GRID1: variants seen among roughly 807,000 people sequenced by gnomAD.
GRID1 encodes glutamate ionotropic receptor delta type subunit 1, also known as glutamate receptor ionotropic, delta-1.
Under a neutral mutation model 98.0 loss-of-function variants are expected in GRID1, and 28 were observed. The ratio of observed to expected loss-of-function variants is 0.29; its 90% CI spans 0.21 to 0.39. The LOEUF is 0.39. GRID1 is among the 10% of genes least tolerant of loss of function. The pLI is 1.00. For missense variants in GRID1, 1,111 were observed against 1,340.5 expected, an observed-to-expected ratio of 0.83 and a Z score of 2.67; for synonymous variants, 553 against 538.5, an observed-to-expected ratio of 1.03 and a Z score of -0.37.
intron 8 of GRID1, among the ~76,000 whole-genome samples, chr10:85,743,752 T>A (rs1841972445): frequency 6.6e-6 from 1 of 152,162 alleles, no homozygotes. Flanking sequence ...GGCAGAAAAT[T>A]TTAGAAATTT....
chr10:85,603,780 C>T (rs1447497912), intron 15 of GRID1, among the ~76,000 whole-genome samples: 2 of 152,172 alleles, frequency 1.3e-5, no homozygotes, highest in Non-Finnish European at 2.9e-5. Flanking sequence ...CTTTCCCTCA[C>T]CTCAAACTCC....
At chr10:86,042,234 G>A (rs1272258423) in intron 4 of GRID1, among the ~76,000 whole-genome samples, 2 of 152,218 alleles carry the variant, frequency 1.3e-5, no homozygotes, top group Non-Finnish European at 2.9e-5. Flanking sequence ...GGGACAGACA[G>A]GAGGTTTTTC....
rs571928006 is a variant in GRID1, at chr10:86,095,609, T to C, written c.726+43210A>G. Among the ~76,000 whole-genome samples the C allele has an allele frequency of 3.3e-5, 5 of 152,242 alleles. No homozygotes were observed. The South Asian group carries it at 1.0e-3, about 32-fold the overall frequency. ...ATGGCCAACAAACATATCAAAAAAA[T>C]GCTCAACATCACTAATGATCAAGGA... is the stretch of plus-strand genomic sequence containing the variant. On this transcript the variant is annotated intron_variant, in intron 4 of 15. Transcript: ENST00000327946.
chr10:85,762,426 T>C (rs3011704), intron 8 of GRID1, among the ~76,000 whole-genome samples: 62,576 of 152,106 alleles, frequency 0.41, 14,175 homozygotes, highest in East Asian at 0.74. Context: ...AGTCATTTGA[T>C]GGTAAATCCA....
At chr10:85,891,435 G>A (rs1841199009) in intron 5 of GRID1, among the ~76,000 whole-genome samples, 1 of 152,110 alleles carries the variant, frequency 6.6e-6, no homozygotes, top group African/African-American at 2.4e-5. Flanking sequence ...CATTCAGAAG[G>A]AAATATAGCA....
In GRID1 at chr10:85,642,458, T is replaced by C. The variant is rs1400832267; in HGVS notation, c.2193+4744A>G. Reference sequence around the variant, plus strand: ...GACAGGAACCCTGGAGCTATTTCTCTTGTCCCTTCCACCATGAAATCTAAA... The same window carrying C: ...GACAGGAACCCTGGAGCTATTTCTCCTGTCCCTTCCACCATGAAATCTAAA... On this transcript the variant is annotated intron_variant, in intron 13 of 15. Transcript: ENST00000327946. 2.0e-5 allele frequency among the ~76,000 whole-genome samples: 3 copies of C among 152,332 alleles called. No homozygotes were observed. The South Asian group carries it at 6.2e-4, about 32-fold the overall frequency.
chr10:85,965,873 C>T (rs1181107482), intron 4 of GRID1, among the ~76,000 whole-genome samples: 1 of 152,134 alleles, frequency 6.6e-6, no homozygotes, highest in Non-Finnish European at 1.5e-5. Context: ...CCCAGCTAAT[C>T]CTTGGTAAGA....
chr10:85,687,391 G>A (rs1841281475), intron 12 of GRID1, among the ~76,000 whole-genome samples: 1 of 152,156 alleles, frequency 6.6e-6, no homozygotes, highest in Non-Finnish European at 1.5e-5. Flanking sequence ...TAATTACTTG[G>A]AGAGAGGGAA....
intron 4 of GRID1, among the ~76,000 whole-genome samples, chr10:86,095,268 G>A (rs1316266583): frequency 6.6e-6 from 1 of 152,108 alleles, no homozygotes; most frequent in African/African-American, 2.4e-5. Context: ...GATAACATTG[G>A]AAAAACTCTT....
chr10:85,677,518 C>A (rs1482103178), intron 12 of GRID1, among the ~76,000 whole-genome samples: 2 of 152,218 alleles, frequency 1.3e-5, no homozygotes, highest in African/African-American at 4.8e-5. Context: ...TCTCTATTAA[C>A]CTTTTCAACA....
At chr10:86,350,997 T>C (rs904623751) in intron 2 of GRID1, among the ~76,000 whole-genome samples, 1 of 152,214 alleles carries the variant, frequency 6.6e-6, no homozygotes, top group African/African-American at 2.4e-5. Context: ...TCTACTTCTA[T>C]GAGTTCAATG....
At position 85,677,671 on chromosome 10, in the gene GRID1, TG is replaced by T. The variant is rs1336693026; in HGVS notation, c.1998-30275del. On this transcript the variant is annotated intron_variant, in intron 12 of 15. Coordinates refer to ENST00000327946, the MANE Select transcript of GRID1 (RefSeq NM_017551.3). ...TGTACTCTCAATACTTTTCTGGAAT[TG>T]TAGTTAGATGGGACCTTCCCTGGAG... 2.0e-5 allele frequency among the ~76,000 whole-genome samples: 3 copies of T among 152,192 alleles called. No individual in the cohort carries two copies. In the East Asian group the frequency reaches 5.8e-4, roughly 29 times the overall value.
intron 2 of GRID1, among the ~76,000 whole-genome samples, chr10:86,256,685 G>A (rs562352214): frequency 3.3e-5 from 5 of 152,288 alleles, no homozygotes; most frequent in African/African-American, 1.2e-4. Flanking sequence ...GCACAACATG[G>A]AGGATTAGAG....
intron 8 of GRID1, among the ~76,000 whole-genome samples, chr10:85,833,638 C>G (rs893808394): frequency 1.3e-5 from 2 of 151,810 alleles, no homozygotes; most frequent in African/African-American, 4.8e-5. Context: ...AAAAAATGAT[C>G]AACTGATGCT....
At chr10:86,234,617 GC>G (rs573471382) in intron 2 of GRID1, among the ~76,000 whole-genome samples, 7 of 152,136 alleles carry the variant, frequency 4.6e-5, no homozygotes, top group African/African-American at 1.7e-4. Context: ...CATGGCCCAA[GC>G]CCCCCCAGGT....
chr10:86,032,829 TAA>T (rs58350170), intron 4 of GRID1, among the ~76,000 whole-genome samples: 33 of 109,852 alleles, frequency 3.0e-4, no homozygotes, highest in African/African-American at 9.1e-4. Context: ...AATAAATACT[TAA>T]AAAAAAAAAA....
At chr10:86,282,421 A>C (rs1188189203) in intron 2 of GRID1, among the ~76,000 whole-genome samples, 1 of 152,182 alleles carries the variant, frequency 6.6e-6, no homozygotes, top group Non-Finnish European at 1.5e-5. Flanking sequence ...TTTTCAGAGC[A>C]CAGCCCTTCC....
At chr10:85,688,574 C>T (rs945367337) in intron 12 of GRID1, among the ~76,000 whole-genome samples, 18 of 152,204 alleles carry the variant, frequency 1.2e-4, no homozygotes, top group Admixed American at 1.2e-3. Context: ...GGTGTGTGAA[C>T]ACCTGCTTCA....
intron 5 of GRID1, among the ~76,000 whole-genome samples, chr10:85,871,315 G>A (rs569868915): frequency 2.6e-5 from 4 of 152,070 alleles, no homozygotes; most frequent in Non-Finnish European, 4.4e-5. Context: ...AAACAGAATG[G>A]TTTTATGGGT....
Sources: allele counts gnomAD v4.1 joint callset (sites outside exome capture counted in the v4.1 genomes callset), GRCh38; gene constraint gnomAD v4.1.1; transcripts MANE v1.5; gene names NCBI Gene and HGNC (gene_info 2026-07-23, HGNC 2026-07-21).